MARK1: variants seen among roughly 807,000 people sequenced by gnomAD.
MARK1 encodes the protein microtubule affinity regulating kinase 1.
Under a neutral mutation model 96.3 loss-of-function variants are expected in MARK1, and 40 were observed. The observed-to-expected ratio is 0.42, with a 90% CI of 0.32 to 0.54. The LOEUF is 0.54. Among genes scored for constraint, MARK1 ranks in the 20% least tolerant of loss-of-function variants. The pLI is 0.16. For synonymous variants in MARK1, 317 were observed against 341.2 expected (o/e 0.93, Z 0.78); for missense variants, 719 against 984.6 (o/e 0.73, Z 3.61).
chr1:220,626,611 C>A, intron 9 of MARK1: 1 of 367,060 alleles, frequency 2.7e-6, no homozygotes, highest in Admixed American at 3.5e-5. Context: ...CACTTGAGGT[C>A]AGAAGTTTGA....
At chr1:220,635,275 G>T (rs1279576751) in intron 11 of MARK1, 101 bp from the exon 12 acceptor site, 4 of 1,150,544 alleles carry the variant, frequency 3.5e-6, no homozygotes, top group East Asian at 2.5e-5. Context: ...ATTACTTCTT[G>T]TATAGCTTTA....
intron 1 of MARK1, among the ~76,000 whole-genome samples, chr1:220,561,617 C>G (rs1662674941): frequency 6.6e-6 from 1 of 152,102 alleles, no homozygotes; most frequent in South Asian, 2.1e-4. Context: ...TAAGCACTTC[C>G]TGGGAAGATC....
rs143956532 is a variant in MARK1, at chr1:220,565,312, C to A, written c.52-14042C>A. 1.4e-3 allele frequency among the ~76,000 whole-genome samples: 219 copies of A among 152,266 alleles called. 7 individuals are homozygous for A. In the East Asian group the frequency reaches 0.037, roughly 26 times the overall value. On this transcript the variant is annotated intron_variant, in intron 1 of 17. Coordinates refer to ENST00000366917, the MANE Select transcript of MARK1 (RefSeq NM_018650.5). Reference sequence around the variant, plus strand: ...GTGGGTGTCTTTCATCAGCTAACAACCTATTTCAGATGGTGCCACAATATT... The same window carrying A: ...GTGGGTGTCTTTCATCAGCTAACAAACTATTTCAGATGGTGCCACAATATT...
intron 6 of MARK1, 133 bp downstream of exon 6, chr1:220,604,270 T>C: frequency 2.0e-6 from 1 of 493,410 alleles, no homozygotes; most frequent in Non-Finnish European, 3.6e-6. Context: ...TTTTTAAGGA[T>C]GGAAAACTCC....
chr1:220,621,597 TAAG>T (rs1187592284), intron 9 of MARK1, among the ~76,000 whole-genome samples: 2 of 152,110 alleles, frequency 1.3e-5, no homozygotes, highest in African/African-American at 2.4e-5. Context: ...CTACTTGTCT[TAAG>T]GAGTCTGGTT....
chr1:220,546,200 C>G (rs1415618499), intron 1 of MARK1, among the ~76,000 whole-genome samples: 6 of 152,204 alleles, frequency 3.9e-5, no homozygotes, highest in African/African-American at 1.4e-4. Context: ...TATGGTAATA[C>G]CCCTATTACA....
intron 6 of MARK1, among the ~76,000 whole-genome samples, chr1:220,608,242 G>T (rs1432691414): frequency 6.6e-6 from 1 of 152,088 alleles, no homozygotes; most frequent in Non-Finnish European, 1.5e-5. Flanking sequence ...GCCTGTTATT[G>T]GTCTATTCAG....
intron 1 of MARK1, among the ~76,000 whole-genome samples, chr1:220,578,610 G>A (rs1246450650): frequency 6.6e-6 from 1 of 152,122 alleles, no homozygotes; most frequent in Non-Finnish European, 1.5e-5. Context: ...CCCAGAAAAT[G>A]GAAGCAAGAA....
chr1:220,532,803 C>G (rs955923087), intron 1 of MARK1, among the ~76,000 whole-genome samples: 1 of 151,862 alleles, frequency 6.6e-6, no homozygotes, highest in South Asian at 2.1e-4. Context: ...TCCAGGAATT[C>G]GAGACCAGCA....
chr1:220,619,688 C>T (rs531150743), intron 9 of MARK1, among the ~76,000 whole-genome samples: 1 of 152,028 alleles, frequency 6.6e-6, no homozygotes, highest in Non-Finnish European at 1.5e-5. Context: ...TTCACATAAC[C>T]AAAATGTCTA....
At chr1:220,653,001 C>A in intron 15 of MARK1, 100 bp from the exon 16 acceptor site, 1 of 1,355,254 alleles carries the variant, frequency 7.4e-7, no homozygotes, top group Non-Finnish European at 1.0e-6. Flanking sequence ...TAAAGTAGGG[C>A]CAAAAGAAGT....
Position 220,528,941 on chromosome 1 carries a change from C to T in MARK1, c.51+68C>T, listed in dbSNP as rs867091284. 2.5e-5 allele frequency: 37 copies of T among 1,452,098 alleles called. No homozygotes were observed. The Middle Eastern group carries it at 9.2e-4, about 36-fold the overall frequency. The allele number at this position is 1,452,098 out of a possible 1,614,324, so 90.0% of individuals were successfully genotyped here. On this transcript the variant is annotated intron_variant, in intron 1 of 17. Coordinates refer to ENST00000366917, the MANE Select transcript of MARK1 (RefSeq NM_018650.5). The stretch of plus-strand genomic sequence containing the variant: ...CCTCCTCTGATCCCCACTTCACCCG[C>T]GCTTGGGCCGTCCCCCGTGCCTCGG...
rs1325111361 is a variant in MARK1, at chr1:220,664,082, A to C, written c.*1916A>C. On this transcript the variant is annotated 3_prime_UTR_variant, in exon 18 of 18. Coordinates refer to ENST00000366917, the MANE Select transcript of MARK1 (RefSeq NM_018650.5). ...AGGTTTCTTGTCATTATGACAAGAAAGTTTAATCTTTTTATAGGAATTCCT... is the reference window on the plus strand; with the variant it reads ...AGGTTTCTTGTCATTATGACAAGAACGTTTAATCTTTTTATAGGAATTCCT... 2 of 152,388 alleles carry C rather than the reference A, an allele frequency of 1.3e-5. No individual in the cohort carries two copies. Among genetic ancestry groups the C allele is most frequent in the African/African-American group, 4.8e-5 (2 of 41,450 alleles). 9.4% of individuals were successfully genotyped at this position (152,388 alleles called of 1,614,324 possible). A position where few individuals can be genotyped will look rare whatever the true frequency, so the allele number is the denominator to read the frequency against.
intron 6 of MARK1, among the ~76,000 whole-genome samples, chr1:220,605,000 A>C (rs1209571964): frequency 6.6e-6 from 1 of 152,134 alleles, no homozygotes; most frequent in African/African-American, 2.4e-5. Flanking sequence ...CTTTAATTCT[A>C]CAATTAAAGA....
intron 6 of MARK1, among the ~76,000 whole-genome samples, chr1:220,608,683 T>C (rs1666243965): frequency 6.6e-6 from 1 of 152,234 alleles, no homozygotes. Context: ...TGCTTTCTCT[T>C]GTGGGCATTT....
chr1:220,553,410 G>C (rs1198752281), intron 1 of MARK1, among the ~76,000 whole-genome samples: 1 of 152,120 alleles, frequency 6.6e-6, no homozygotes. Context: ...GACTTGTATT[G>C]TTTCTTTCTT....
intron 1 of MARK1, among the ~76,000 whole-genome samples, chr1:220,573,871 G>GTA (rs1444503411): frequency 6.6e-6 from 1 of 151,510 alleles, no homozygotes; most frequent in African/African-American, 2.4e-5. Context: ...ATATATTGTA[G>GTA]TATATGTAGT....
intron 7 of MARK1, among the ~76,000 whole-genome samples, chr1:220,616,772 G>T (rs1351228427): frequency 6.6e-6 from 1 of 151,888 alleles, no homozygotes; most frequent in Non-Finnish European, 1.5e-5. Context: ...CTATTTCTTG[G>T]TTTCCTTCCT....
chr1:220,644,722 A>T (rs1379643895), intron 13 of MARK1, among the ~76,000 whole-genome samples: 1 of 152,318 alleles, frequency 6.6e-6, no homozygotes, highest in East Asian at 1.9e-4. Context: ...TGAAATCATA[A>T]TAGTCTCCCA....
Sources: allele counts gnomAD v4.1 joint callset (sites outside exome capture counted in the v4.1 genomes callset), GRCh38; gene constraint gnomAD v4.1.1; transcripts MANE v1.5; gene names NCBI Gene and HGNC (gene_info 2026-07-23, HGNC 2026-07-21).